ZNF592: variants seen among roughly 807,000 people sequenced by gnomAD.
ZNF592 encodes spinocerebellar ataxia, autosomal recessive 5.
Under a neutral mutation model 80.3 loss-of-function variants are expected in ZNF592, and 11 were observed. That is an observed-to-expected ratio of 0.14 (90% confidence interval 0.09 to 0.23). The LOEUF (loss-of-function observed/expected upper bound fraction) is 0.23. Among genes scored for constraint, ZNF592 ranks in the 10% least tolerant of loss-of-function variants. The pLI, the probability that ZNF592 is intolerant of heterozygous loss-of-function variation, is 1.00. For missense variants in ZNF592, 1,420 were observed against 1,633.9 expected, an observed-to-expected ratio of 0.87 and a Z score of 2.26; for synonymous variants, 646 against 640.3, an observed-to-expected ratio of 1.01 and a Z score of -0.13.
Position 84,784,336 on chromosome 15 carries a change from T to G in ZNF592, c.1661T>G (p.Val554Gly). 1 of 1,614,108 alleles carries G rather than the reference T, an allele frequency of 6.2e-7. No individual in the cohort carries two copies. The highest frequency in any genetic ancestry group is 8.5e-7 in the Non-Finnish European group (1 of 1,180,006). The change falls in exon 4 of 11, where the codon GTC becomes GGC. Residue 554 changes from valine (V) to glycine (G), a missense_variant. By Grantham distance (109) the Val-to-Gly change is moderately radical (BLOSUM62 -3). Transcript: ENST00000560079. The surrounding 1 kb of genome is among the most constrained non-coding windows in gnomAD (Gnocchi z 5.8). ...AAGGCTGCCCCACTGATTGTAGAGG[T>G]CTTCAACAAGGTCCTTCACAGCTCC... Reference protein sequence around the residue: ...VKKAAPLIVEVFNKVLHSSNP... With the variant: ...VKKAAPLIVEGFNKVLHSSNP...
chr15:84,751,775 C>T lies in ZNF592; in HGVS notation c.-259+3111C>T, dbSNP rs534931700. Among the ~76,000 whole-genome samples, 9 of 151,994 alleles carry T rather than the reference C, an allele frequency of 5.9e-5. No individual in the cohort carries two copies. In the South Asian group the frequency reaches 1.7e-3, roughly 28 times the overall value. The stretch of plus-strand genomic sequence containing the variant: ...TAAAAATTAGCTGGGCATGGTGGCA[C>T]GCGCCTGTAGTCCCAGCTTCTCAGG... On this transcript the variant is annotated intron_variant, in intron 1 of 10. Transcript: ENST00000560079.
intron 5 of ZNF592, among the ~76,000 whole-genome samples, chr15:84,796,031 G>C (rs1355380922): frequency 2.0e-5 from 3 of 151,322 alleles, no homozygotes. Context: ...AGACCAGCGC[G>C]GCCAACATGG....
In ZNF592 at chr15:84,782,659, C is replaced by G. The variant is rs1158910881; in HGVS notation, c.-17C>G. On this transcript the variant is annotated splice_region_variant and 5_prime_UTR_variant, in exon 4 of 11. Transcript: ENST00000560079. ...TCTGTTTTCTGTTTCTGTTACAGCC[C>G]TTGCCAGCATCCAGCCATGGGGGAT... 2.5e-6 allele frequency: 4 copies of G among 1,614,044 alleles called. 1 individual carries two copies. In the Admixed American group the frequency reaches 6.7e-5, roughly 27 times the overall value.
Position 84,783,922 on chromosome 15 carries a change from A to C in ZNF592, c.1247A>C (p.Glu416Ala). Residue 416 changes from glutamate to alanine, a missense_variant, in exon 4 of 11, where the codon GAG (glutamate) becomes GCG (alanine). Glu to Ala is a moderately radical substitution (Grantham distance 107). Coordinates refer to ENST00000560079, the MANE Select transcript of ZNF592 (RefSeq NM_014630.3). This position sits in a 1 kb window ranked among gnomAD's most constrained non-coding sequence, Gnocchi z 5.0. ...TCACCTCTAGGGAGCGCCATTGCAG[A>C]GGCCCCCAGCGAGATGCCAGGGGAT... ...VGSPLGSAIA[E>A]APSEMPGDEV... 1 of 1,614,134 alleles carries C rather than the reference A, an allele frequency of 6.2e-7. No individual in the cohort carries two copies. Among genetic ancestry groups the C allele is most frequent in the African/African-American group, 1.3e-5 (1 of 75,058 alleles).
intron 5 of ZNF592, among the ~76,000 whole-genome samples, chr15:84,791,204 A>G (rs1230567070): frequency 6.6e-6 from 1 of 152,252 alleles, no homozygotes; most frequent in African/African-American, 2.4e-5. Context: ...TATGTTTGGC[A>G]CATTAAATGT....
intron 5 of ZNF592, among the ~76,000 whole-genome samples, chr15:84,796,421 T>C (rs1415641542): frequency 6.6e-6 from 1 of 150,998 alleles, no homozygotes; most frequent in Non-Finnish European, 1.5e-5. Context: ...GCAGACAGTA[T>C]TGCAACAAAA....
At chr15:84,766,774 G>T (rs764568685) in intron 2 of ZNF592, among the ~76,000 whole-genome samples, 1 of 150,452 alleles carries the variant, frequency 6.6e-6, no homozygotes, top group African/African-American at 2.5e-5. Context: ...ACACTTGGGA[G>T]AGAAACTTTA....
At chr15:84,766,865 GCTCCTCGT>G (rs1899542599) in intron 2 of ZNF592, among the ~76,000 whole-genome samples, 1 of 152,084 alleles carries the variant, frequency 6.6e-6, no homozygotes, top group Non-Finnish European at 1.5e-5. Flanking sequence ...GTAATAGCAT[GCTCCTCGT>G]GTCCCTCCAG....
chr15:84,763,092 A>C (rs1462085566), intron 1 of ZNF592, among the ~76,000 whole-genome samples: 1 of 152,204 alleles, frequency 6.6e-6, no homozygotes, highest in Non-Finnish European at 1.5e-5. Flanking sequence ...GAAACTTGAA[A>C]TGTGAAAACT....
chr15:84,775,226 G>A (rs1366092968), intron 2 of ZNF592, among the ~76,000 whole-genome samples: 1 of 152,008 alleles, frequency 6.6e-6, no homozygotes, highest in African/African-American at 2.4e-5. Context: ...CTCCTAAGTA[G>A]CTGAGACTAC....
At chr15:84,800,339 AATG>A (rs1262770041) in intron 10 of ZNF592, among the ~76,000 whole-genome samples, 1 of 152,130 alleles carries the variant, frequency 6.6e-6, no homozygotes, top group East Asian at 1.9e-4. Context: ...AGATGAGGAT[AATG>A]ATGTTTGGCC....
rs1481041329 is a variant in ZNF592, at chr15:84,802,983, CTCA to C, written c.*595_*597del. The C allele has an allele frequency of 3.2e-5, 5 of 155,096 alleles. No homozygotes were observed. The highest frequency in any genetic ancestry group is 1.2e-4 in the African/African-American group (5 of 41,458). The allele number at this position is 155,096 out of a possible 1,614,324, so 9.6% of individuals were successfully genotyped here. A position where few individuals can be genotyped will look rare whatever the true frequency, so the allele number is the denominator to read the frequency against. On this transcript the variant is annotated 3_prime_UTR_variant, in exon 11 of 11. Coordinates refer to ENST00000560079, the MANE Select transcript of ZNF592 (RefSeq NM_014630.3). ...TCCTGAGAACTAATTGTCACACTGG[CTCA>C]TCATGTCTCTGTGGGTGGGGTGGGA...
chr15:84,769,534 C>T (rs1899637231), intron 2 of ZNF592, among the ~76,000 whole-genome samples: 1 of 150,516 alleles, frequency 6.6e-6, no homozygotes, highest in Admixed American at 6.6e-5. Flanking sequence ...GGAGTGGTGA[C>T]TGCAGAGGCT....
intron 1 of ZNF592, among the ~76,000 whole-genome samples, chr15:84,751,595 CTTT>C (rs779955467): frequency 2.8e-5 from 4 of 143,780 alleles, no homozygotes; most frequent in African/African-American, 2.5e-5. Flanking sequence ...ATTTTTATTA[CTTT>C]TTTTTTTTTT....
intron 1 of ZNF592, chr15:84,753,381 T>A (rs1355274229): frequency 2.0e-5 from 3 of 152,110 alleles, no homozygotes; most frequent in Admixed American, 1.3e-4. Context: ...ATTTAGGATC[T>A]TTATCTTCCC....
In ZNF592 at chr15:84,784,744, C is replaced by T. The variant is rs1189251028; in HGVS notation, c.2069C>T (p.Ala690Val). The T allele has an allele frequency of 6.2e-7, 1 of 1,613,998 alleles. No individual in the cohort carries two copies. The highest frequency in any genetic ancestry group is 1.3e-5 in the African/African-American group (1 of 74,904). Residue 690 changes from alanine (A) to valine (V), a missense_variant, in exon 4 of 11, where the codon GCC (alanine) becomes GTC (valine). Physicochemically the swap from Ala to Val is moderately conservative, Grantham distance 64. Around this residue, in one of 7 missense-constraint regions of ZNF592, gnomAD observed 524 missense variants for 628.3 expected, o/e 0.83. Transcript: ENST00000560079. This position sits in a 1 kb window ranked among gnomAD's most constrained non-coding sequence, Gnocchi z 5.8. ...SPKHGLTSGSASPPPPALPLY... is the reference protein window; with the variant it reads ...SPKHGLTSGSVSPPPPALPLY... ...AAACATGGCCTCACTTCGGGCAGTGCCAGTCCCCCTCCTCCAGCCTTGCCA... is the reference window on the plus strand; with the variant it reads ...AAACATGGCCTCACTTCGGGCAGTGTCAGTCCCCCTCCTCCAGCCTTGCCA...
In ZNF592 at chr15:84,783,186, C is replaced by A. The variant is rs764344896; in HGVS notation, c.511C>A (p.Pro171Thr). 1.2e-5 allele frequency: 19 copies of A among 1,614,194 alleles called. No homozygotes were observed. The South Asian group carries it at 1.8e-4, about 15-fold the overall frequency. Residue 171 changes from proline (P) to threonine (T), a missense_variant, in exon 4 of 11, where the codon CCC becomes ACC. Pro to Thr is a conservative substitution (Grantham distance 38). This residue lies in a region of ZNF592 where 373 missense variants were observed against 355.5 expected (regional missense o/e 1.05). Transcript: ENST00000560079. The surrounding 1 kb of genome is among the most constrained non-coding windows in gnomAD (Gnocchi z 5.0). ...CAAACACTCTGACAGTTATTTCCCA[C>A]CCCCTCTTGGGTGCGGGGCTGTGGG... The part of the protein sequence containing the change: ...KPKHSDSYFP[P>T]PLGCGAVGGP...
chr15:84,795,657 A>G (rs1330155531), intron 5 of ZNF592, among the ~76,000 whole-genome samples: 1 of 152,226 alleles, frequency 6.6e-6, no homozygotes, highest in Non-Finnish European at 1.5e-5. Context: ...TCCTCATAAT[A>G]CTTTGTAGTG....
rs755793220 is a variant in ZNF592, at chr15:84,784,939, C to G, written c.2220+44C>G. On this transcript the variant is annotated intron_variant, in intron 4 of 10. Transcript: ENST00000560079. This position sits in a 1 kb window ranked among gnomAD's most constrained non-coding sequence, Gnocchi z 5.8. Reference sequence around the variant, plus strand: ...TTACGGGTATCGGGCCCCTGGCTCACACAGGTTCCATGACTGGGCATGGAG... The same window carrying G: ...TTACGGGTATCGGGCCCCTGGCTCAGACAGGTTCCATGACTGGGCATGGAG... 20 of 1,609,654 alleles carry G rather than the reference C, an allele frequency of 1.2e-5. No homozygotes were observed. The highest frequency in any genetic ancestry group is 1.7e-5 in the Non-Finnish European group (20 of 1,176,528).
Sources: allele counts gnomAD v4.1 joint callset (sites outside exome capture counted in the v4.1 genomes callset), GRCh38; gene constraint gnomAD v4.1.1; regional missense constraint gnomAD v4.1.1; non-coding constraint Gnocchi (gnomAD v3.1); transcripts MANE v1.5; gene names NCBI Gene and HGNC (gene_info 2026-07-23, HGNC 2026-07-21).